The following KHDRBS2 variants were observed in gnomAD, a reference collection of about 807,000 sequenced individuals.
The protein encoded by KHDRBS2 is KH RNA binding domain containing, signal transduction associated 2.
In KHDRBS2, 26 loss-of-function variants were observed where a neutral mutation model predicts 44.3. The observed-to-expected ratio is 0.59, with a 90% CI of 0.43 to 0.81. The LOEUF is 0.81. Among genes scored for constraint, KHDRBS2 ranks in the 40% least tolerant of loss-of-function variants. The probability of loss-of-function intolerance (pLI) is 0.00; values close to 1 mark genes in which losing one functional copy is unlikely to be tolerated. For missense variants in KHDRBS2, 476 were observed against 433.1 expected, an observed-to-expected ratio of 1.10 and a Z score of -0.88; for synonymous variants, 194 against 151.1, an observed-to-expected ratio of 1.28 and a Z score of -2.08.
chr6:61,798,181 C>A lies in KHDRBS2; in HGVS notation c.811-65417G>T, dbSNP rs190161657. Among the ~76,000 whole-genome samples, 642 of 152,194 alleles carry A rather than the reference C, an allele frequency of 4.2e-3. 7 individuals are homozygous for A. Among genetic ancestry groups the A allele is most frequent in the African/African-American group, 0.01 (421 of 41,542 alleles). ...TTCACAGGAGAAATATCTCATGCCACAATTAGTGAAAATATCTCCATGAAG... is the reference window on the plus strand; with the variant it reads ...TTCACAGGAGAAATATCTCATGCCAAAATTAGTGAAAATATCTCCATGAAG... On this transcript the variant is annotated intron_variant, in intron 6 of 8. Transcript: ENST00000281156.
chr6:62,093,422 T>C lies in KHDRBS2; in HGVS notation c.220-45428A>G, dbSNP rs541120025. Among the ~76,000 whole-genome samples, 3 of 152,120 alleles carry C rather than the reference T, an allele frequency of 2.0e-5. 1 individual carries two copies. Among genetic ancestry groups the C allele is most frequent in the South Asian group, 4.2e-4 (2 of 4,814 alleles). On this transcript the variant is annotated intron_variant, in intron 2 of 8. Coordinates refer to ENST00000281156, the MANE Select transcript of KHDRBS2 (RefSeq NM_152688.4). ...GATATATCCATACATGTATAAGTTA[T>C]GTAATGATCAAATCAGGGTAATTAG...
chr6:62,098,487 A>G (rs1455732627), intron 2 of KHDRBS2, among the ~76,000 whole-genome samples: 1 of 128,006 alleles, frequency 7.8e-6, no homozygotes. Flanking sequence ...CTGGCCTGTA[A>G]GATTTCTGCT....
chr6:61,727,795 G>A (rs1173227500), intron 7 of KHDRBS2, among the ~76,000 whole-genome samples: 1 of 151,440 alleles, frequency 6.6e-6, no homozygotes, highest in Non-Finnish European at 1.5e-5. Context: ...GAAGTTGCAG[G>A]CAAAAACAAA....
At chr6:61,831,595 A>G (rs367716954) in intron 6 of KHDRBS2, among the ~76,000 whole-genome samples, 1 of 152,112 alleles carries the variant, frequency 6.6e-6, no homozygotes, top group Non-Finnish European at 1.5e-5. Flanking sequence ...GTATAACCCA[A>G]TTAAAAACTG....
the KHDRBS2 span, among the ~76,000 whole-genome samples, chr6:61,665,363 T>A: frequency 6.6e-6 from 1 of 151,340 alleles, no homozygotes; most frequent in African/African-American, 2.4e-5. Flanking sequence ...TTTTTAAGTG[T>A]AAGAGGAGTT....
the KHDRBS2 span, among the ~76,000 whole-genome samples, chr6:61,651,367 T>C: frequency 6.6e-6 from 1 of 152,116 alleles, no homozygotes; most frequent in Non-Finnish European, 1.5e-5. Context: ...ATTTATGTTT[T>C]ATGTACATCT....
At chr6:62,231,871 C>T (rs1832953705) in intron 1 of KHDRBS2, among the ~76,000 whole-genome samples, 1 of 152,126 alleles carries the variant, frequency 6.6e-6, no homozygotes, top group South Asian at 2.1e-4. Flanking sequence ...CTACTCAAGA[C>T]ACCAATCTGT....
intron 4 of KHDRBS2, among the ~76,000 whole-genome samples, chr6:61,913,807 G>A (rs1267371904): frequency 1.3e-5 from 2 of 152,012 alleles, no homozygotes; most frequent in Non-Finnish European, 2.9e-5. Flanking sequence ...TGTGGATCTG[G>A]TTCACTAGTC....
At position 61,954,849 on chromosome 6, in the gene KHDRBS2, T is replaced by C. The variant is rs559192151; in HGVS notation, c.483+23217A>G. Among the ~76,000 whole-genome samples the C allele has an allele frequency of 5.1e-3, 205 of 40,570 alleles. 17 individuals are homozygous for C. Among genetic ancestry groups the C allele is most frequent in the Non-Finnish European group, 7.3e-3 (164 of 22,410 alleles). The allele number at this position is 40,570 out of a possible 152,430, so 26.6% of individuals were successfully genotyped here. A position where few individuals can be genotyped will look rare whatever the true frequency, so the allele number is the denominator to read the frequency against. ...ACACATGCATATGTATGTATACATA[T>C]GCATGTGTATATACACATACATATG... On this transcript the variant is annotated intron_variant, in intron 4 of 8. Transcript: ENST00000281156.
intron 6 of KHDRBS2, among the ~76,000 whole-genome samples, chr6:61,753,098 T>C (rs1388673802): frequency 6.6e-6 from 1 of 152,144 alleles, no homozygotes; most frequent in African/African-American, 2.4e-5. Context: ...ATTCACATAA[T>C]GGAAGGGAAG....
At chr6:61,624,448 T>C in the KHDRBS2 span, among the ~76,000 whole-genome samples, 2 of 152,346 alleles carry the variant, frequency 1.3e-5, no homozygotes, top group Admixed American at 6.5e-5. Context: ...CTCACAGGGA[T>C]AGAAATACTT....
intron 6 of KHDRBS2, among the ~76,000 whole-genome samples, chr6:61,770,619 G>A (rs1780724131): frequency 6.6e-6 from 1 of 152,162 alleles, no homozygotes; most frequent in South Asian, 2.1e-4. Flanking sequence ...AATGAAGTGA[G>A]AAGAGAAGTT....
At chr6:61,736,290 G>A (rs1775349739) in intron 6 of KHDRBS2, among the ~76,000 whole-genome samples, 1 of 149,166 alleles carries the variant, frequency 6.7e-6, no homozygotes. Flanking sequence ...GTGTTCTCAG[G>A]TATAGTTTAA....
At chr6:61,856,029 T>G (rs1287481045) in intron 6 of KHDRBS2, among the ~76,000 whole-genome samples, 2 of 152,122 alleles carry the variant, frequency 1.3e-5, no homozygotes, top group East Asian at 3.8e-4. Flanking sequence ...TATGTCCTAT[T>G]TGAGTCACAT....
At chr6:61,754,076 T>C (rs1432504727) in intron 6 of KHDRBS2, among the ~76,000 whole-genome samples, 2 of 152,142 alleles carry the variant, frequency 1.3e-5, no homozygotes. Flanking sequence ...TATTTTGGAC[T>C]TCTGGCCTCC....
intron 6 of KHDRBS2, among the ~76,000 whole-genome samples, chr6:61,856,554 T>C (rs1040305381): frequency 2.7e-4 from 41 of 152,168 alleles, no homozygotes; most frequent in African/African-American, 9.4e-4. Context: ...GATTGCTTTT[T>C]TTTTTTCTAA....
At chr6:62,019,588 C>A (rs1015108574) in intron 3 of KHDRBS2, among the ~76,000 whole-genome samples, 2 of 152,026 alleles carry the variant, frequency 1.3e-5, no homozygotes, top group Non-Finnish European at 2.9e-5. Flanking sequence ...AGTTTGTTTG[C>A]GGAAGGCTTC....
intron 4 of KHDRBS2, among the ~76,000 whole-genome samples, chr6:61,916,281 G>A (rs971074022): frequency 2.6e-5 from 4 of 151,958 alleles, no homozygotes; most frequent in African/African-American, 9.7e-5. Context: ...TAAAGACAGA[G>A]AATTCTATTC....
At chr6:61,675,795 T>C (rs1765897359), downstream of KHDRBS2, among the ~76,000 whole-genome samples, 1 of 151,832 alleles carries the variant, frequency 6.6e-6, no homozygotes, top group Non-Finnish European at 1.5e-5. Flanking sequence ...TTTTAGCTAA[T>C]CTGATTTGTT....
Sources: gnomAD v4.1 joint callset for allele counts (sites outside exome capture counted in the v4.1 genomes callset) on GRCh38, gnomAD v4.1.1 for gene constraint, MANE v1.5 for transcripts, NCBI Gene and HGNC (gene_info 2026-07-23, HGNC 2026-07-21) for gene names.